The following TRPM3 variants were observed in gnomAD, a reference collection of about 807,000 sequenced individuals.
TRPM3 encodes long transient receptor potential channel 3.
In TRPM3, 77 loss-of-function variants were observed where a neutral mutation model predicts 181.2. The observed-to-expected ratio is 0.42, with a 90% CI of 0.35 to 0.51. The LOEUF (loss-of-function observed/expected upper bound fraction) is 0.51. TRPM3 is among the 20% of genes least tolerant of loss of function. The pLI is 0.01. For missense variants in TRPM3, 1,759 were observed against 2,196.7 expected (o/e 0.80, Z 3.98); for synonymous variants, 745 against 796.4 (o/e 0.94, Z 1.09).
chr9:70,808,274 G>A (rs115050106), intron 6 of TRPM3, among the ~76,000 whole-genome samples: 1,529 of 152,218 alleles, frequency 0.01, 32 homozygotes, highest in African/African-American at 0.035. Context: ...ATCTGAAAAG[G>A]GAGCTCAAAA....
intron 1 of TRPM3, among the ~76,000 whole-genome samples, chr9:70,866,784 C>G (rs939070165): frequency 1.8e-4 from 27 of 151,976 alleles, no homozygotes; most frequent in Non-Finnish European, 2.6e-4. Context: ...GATAATCAAA[C>G]CAGATGATTC....
rs147865041 is a variant in TRPM3, at chr9:71,322,071, C to A, written c.183+124582G>T. Among the ~76,000 whole-genome samples the A allele has an allele frequency of 5.5e-3, 841 of 152,204 alleles. 4 individuals carry two copies. The highest frequency in any genetic ancestry group is 1.0e-2 in the South Asian group (48 of 4,822). On this transcript the variant is annotated intron_variant, in intron 1 of 24. Coordinates refer to the TRPM3 transcript ENST00000357533. ...AGATGAACTAGCCTATGAGTTAGGA[C>A]AGAACTTTTGACTCACAGAAGCTTT...
chr9:71,095,365 G>A lies in TRPM3; in HGVS notation c.177+25813C>T, dbSNP rs78947850. On this transcript the variant is annotated intron_variant, in intron 1 of 25. Coordinates refer to ENST00000677713, the MANE Select transcript of TRPM3 (RefSeq NM_001366145.2). ...TCATGAAAGAACATGAGATTGAGAG[G>A]TGAGGTGGGGCACGACGGGAGATCC... Among the ~76,000 whole-genome samples the A allele has an allele frequency of 1.8e-3, 221 of 120,880 alleles. 5 individuals are homozygous for A. In the East Asian group the frequency reaches 0.051, roughly 28 times the overall value. 79.3% of individuals were successfully genotyped at this position (120,880 alleles called of 152,430 possible).
intron 1 of TRPM3, among the ~76,000 whole-genome samples, chr9:70,969,779 TACAC>T (rs375252514): frequency 7.2e-6 from 1 of 139,840 alleles, no homozygotes; most frequent in Non-Finnish European, 1.6e-5. Flanking sequence ...TATATATATA[TACAC>T]ACACACACTA....
intron 3 of TRPM3, among the ~76,000 whole-genome samples, chr9:70,850,506 C>T (rs1294907334): frequency 6.6e-6 from 1 of 152,092 alleles, no homozygotes; most frequent in Non-Finnish European, 1.5e-5. Flanking sequence ...CTTGATTGTG[C>T]TGATTTCCCA....
At chr9:71,316,091 G>A (rs1398332696) in intron 1 of TRPM3, among the ~76,000 whole-genome samples, 4 of 152,152 alleles carry the variant, frequency 2.6e-5, no homozygotes, top group African/African-American at 9.7e-5. Context: ...TACCCAGATT[G>A]GGAAACAGAT....
intron 22 of TRPM3, among the ~76,000 whole-genome samples, chr9:70,576,503 T>TCC (rs2053991380): frequency 6.6e-6 from 1 of 150,496 alleles, no homozygotes; most frequent in African/African-American, 2.5e-5. Context: ...CTCCTCCTCC[T>TCC]TCTTCTTTTT....
intron 1 of TRPM3, among the ~76,000 whole-genome samples, chr9:71,305,694 G>A (rs2087230577): frequency 2.0e-5 from 3 of 152,158 alleles, no homozygotes; most frequent in Non-Finnish European, 4.4e-5. Flanking sequence ...TGTAAGCAAA[G>A]ATTCACAGTG....
intron 1 of TRPM3, among the ~76,000 whole-genome samples, chr9:71,006,681 C>T (rs1004351574): frequency 2.0e-5 from 3 of 151,952 alleles, no homozygotes; most frequent in African/African-American, 7.3e-5. Flanking sequence ...ACCAGCCTGA[C>T]CAACATGGAG....
intron 5 of TRPM3, among the ~76,000 whole-genome samples, chr9:70,837,873 T>A (rs2210938): frequency 0.73 from 110,555 of 152,016 alleles, 40,678 homozygotes; most frequent in Non-Finnish European, 0.75. Context: ...AATATTTTCT[T>A]ACATCTTACT....
rs1399044796 is a variant in TRPM3 at position 71,130,128 on chromosome 9, AACTAAAGC to A, written c.184-265625_184-265618del. Among the ~76,000 whole-genome samples the A allele has an allele frequency of 2.0e-5, 3 of 152,248 alleles. No individual in the cohort carries two copies. The East Asian group carries it at 5.8e-4, about 29-fold the overall frequency. On this transcript the variant is annotated intron_variant, in intron 1 of 24. Transcript: ENST00000357533. ...CCTACCTGCATTTTCTAGTTGAGGA[AACTAAAGC>A]ACAGAAAGATTAAATACTCAACCAA... is the stretch of plus-strand genomic sequence containing the variant.
chr9:71,440,417 C>G (rs991365634), intron 1 of TRPM3, among the ~76,000 whole-genome samples: 1 of 152,174 alleles, frequency 6.6e-6, no homozygotes, highest in African/African-American at 2.4e-5. Flanking sequence ...TGGTATCTAT[C>G]CTCATGACTC....
chr9:70,884,146 TA>T (rs2096047992), intron 1 of TRPM3, among the ~76,000 whole-genome samples: 2 of 152,178 alleles, frequency 1.3e-5, no homozygotes, highest in Non-Finnish European at 2.9e-5. Context: ...GAGTCAGTGT[TA>T]GGGTGTGGTT....
At chr9:71,307,884 G>C (rs62543441) in intron 1 of TRPM3, among the ~76,000 whole-genome samples, 5 of 151,700 alleles carry the variant, frequency 3.3e-5, no homozygotes, top group African/African-American at 1.2e-4. Context: ...TTCTAGTAAG[G>C]CATTTATTTT....
intron 1 of TRPM3, among the ~76,000 whole-genome samples, chr9:70,962,611 G>A (rs1429002386): frequency 6.6e-6 from 1 of 152,152 alleles, no homozygotes. Flanking sequence ...ATCATGGATA[G>A]TACCAAATCC....
intron 1 of TRPM3, among the ~76,000 whole-genome samples, chr9:71,155,744 C>T (rs976362929): frequency 2.6e-5 from 4 of 151,972 alleles, no homozygotes; most frequent in Non-Finnish European, 5.9e-5. Context: ...AAGATGCCAA[C>T]AATACACAAG....
chr9:71,344,844 T>A (rs1194463544), intron 1 of TRPM3, among the ~76,000 whole-genome samples: 1 of 152,106 alleles, frequency 6.6e-6, no homozygotes. Flanking sequence ...AAATGACTTA[T>A]AAACAATATA....
intron 3 of TRPM3, among the ~76,000 whole-genome samples, chr9:70,852,652 A>T (rs758202067): frequency 1.1e-4 from 16 of 152,180 alleles, no homozygotes; most frequent in Non-Finnish European, 2.2e-4. Flanking sequence ...TTCTTTCTCC[A>T]GTCCCTTTTG....
chr9:71,386,118 G>C, intron 1 of TRPM3, among the ~76,000 whole-genome samples: 1 of 152,166 alleles, frequency 6.6e-6, no homozygotes, highest in East Asian at 1.9e-4. Flanking sequence ...TAGCTCAGTC[G>C]ACAGAAAGAG....
Sources: gnomAD v4.1 joint callset for allele counts (sites outside exome capture counted in the v4.1 genomes callset) on GRCh38, gnomAD v4.1.1 for gene constraint, MANE v1.5 for transcripts, NCBI Gene and HGNC (gene_info 2026-07-23, HGNC 2026-07-21) for gene names.